Variants in TMEM45A observed in about 807,000 individuals in gnomAD.
TMEM45A encodes the protein DNA polymerase-transactivated protein 4.
A neutral mutation model predicts 32.0 loss-of-function variants in TMEM45A; 25 were observed. That is an observed-to-expected ratio of 0.78 (90% confidence interval 0.57 to 1.09). The LOEUF is 1.09. TMEM45A is among the 50% of genes least tolerant of loss of function. The pLI, the probability that TMEM45A is intolerant of heterozygous loss-of-function variation, is 0.00. For synonymous variants in TMEM45A, 122 were observed against 114.8 expected (o/e 1.06, Z -0.40); for missense variants, 302 against 325.0 (o/e 0.93, Z 0.54).
rs112943078 is a variant in TMEM45A, at chr3:100,517,273, C to T, written c.-4+24345C>T. 9.2e-5 allele frequency among the ~76,000 whole-genome samples: 14 copies of T among 152,232 alleles called. 1 individual carries two copies. Among genetic ancestry groups the T allele is most frequent in the African/African-American group, 2.2e-4 (9 of 41,540 alleles). ...CTGGGATTACAGGCATGTGCCACCA[C>T]GCCCGATTAATTTTTTGTATTTTTA... On this transcript the variant is annotated intron_variant, in intron 1 of 5. Transcript: ENST00000323523.
chr3:100,523,501 A>C (rs1042674094), intron 1 of TMEM45A, among the ~76,000 whole-genome samples: 1 of 152,232 alleles, frequency 6.6e-6, no homozygotes, highest in Non-Finnish European at 1.5e-5. Flanking sequence ...CCAAGAAGTA[A>C]ACAATTATGA....
chr3:100,503,031 C>T (rs1052988058), intron 1 of TMEM45A, among the ~76,000 whole-genome samples: 45 of 151,382 alleles, frequency 3.0e-4, no homozygotes, highest in Non-Finnish European at 7.4e-5. Context: ...ATCTCCTCCT[C>T]CTCCTTCTTC....
chr3:100,552,871 T>C (rs1706137292), intron 1 of TMEM45A, among the ~76,000 whole-genome samples: 1 of 152,228 alleles, frequency 6.6e-6, no homozygotes, highest in African/African-American at 2.4e-5. Flanking sequence ...GTTTATTCTC[T>C]AATTGCAGTC....
chr3:100,540,284 G>A (rs56736439), intron 1 of TMEM45A, among the ~76,000 whole-genome samples: 70,619 of 151,874 alleles, frequency 0.46, 16,948 homozygotes, highest in African/African-American at 0.57. Context: ...TGGGGAAAAT[G>A]TTTGCAAAAC....
At chr3:100,570,298 G>C (rs2148995952) in intron 5 of TMEM45A, among the ~76,000 whole-genome samples, 1 of 152,300 alleles carries the variant, frequency 6.6e-6, no homozygotes, top group Middle Eastern at 3.4e-3. Context: ...CTTCTCTTTA[G>C]ACATGGACCC....
chr3:100,523,511 A>G (rs1268697986), intron 1 of TMEM45A, among the ~76,000 whole-genome samples: 2 of 152,202 alleles, frequency 1.3e-5, no homozygotes, highest in African/African-American at 4.8e-5. Flanking sequence ...AACAATTATG[A>G]TATGCATGAG....
intron 4 of TMEM45A, 29 bp downstream of exon 4, chr3:100,558,618 T>A: frequency 6.2e-7 from 1 of 1,603,150 alleles, no homozygotes; most frequent in Non-Finnish European, 8.5e-7. Flanking sequence ...TTAATGTACC[T>A]GGACTCTTTG....
chr3:100,544,213 C>G (rs1705941461), intron 1 of TMEM45A, among the ~76,000 whole-genome samples: 1 of 152,104 alleles, frequency 6.6e-6, no homozygotes, highest in South Asian at 2.1e-4. Flanking sequence ...GAATAAGCCT[C>G]TTTTAGGTGC....
At chr3:100,506,038 T>C (rs1302244461) in intron 1 of TMEM45A, among the ~76,000 whole-genome samples, 1 of 152,162 alleles carries the variant, frequency 6.6e-6, no homozygotes, top group African/African-American at 2.4e-5. Context: ...TTCAGCATCG[T>C]ACTGACCAGC....
chr3:100,567,518 C>CAAA (rs780009246), intron 4 of TMEM45A, among the ~76,000 whole-genome samples: 906 of 63,404 alleles, frequency 0.014, 100 homozygotes, highest in African/African-American at 0.048. Context: ...ACCATTTCTG[C>CAAA]AAAAAAAAAA....
chr3:100,514,545 C>G (rs923980138), intron 1 of TMEM45A, among the ~76,000 whole-genome samples: 1 of 151,886 alleles, frequency 6.6e-6, no homozygotes, highest in African/African-American at 2.4e-5. Context: ...CTAGGCATTA[C>G]CATTCAGGAC....
At chr3:100,525,061 G>A (rs937475121) in intron 1 of TMEM45A, among the ~76,000 whole-genome samples, 12 of 152,156 alleles carry the variant, frequency 7.9e-5, no homozygotes, top group Admixed American at 6.5e-4. Context: ...GGCAATGTGT[G>A]CCTGTAGTCC....
chr3:100,517,845 T>C (rs528216909), intron 1 of TMEM45A, among the ~76,000 whole-genome samples: 1 of 152,354 alleles, frequency 6.6e-6, no homozygotes, highest in South Asian at 2.1e-4. Context: ...ATGCTTGTGA[T>C]TGGAAAAAGC....
At chr3:100,514,516 A>T (rs1175234181) in intron 1 of TMEM45A, among the ~76,000 whole-genome samples, 4 of 151,992 alleles carry the variant, frequency 2.6e-5, no homozygotes, top group Non-Finnish European at 5.9e-5. Flanking sequence ...CTAAAACCAT[A>T]AAAACCCTAG....
chr3:100,547,664 C>A (rs952549596), intron 1 of TMEM45A, among the ~76,000 whole-genome samples: 1 of 151,892 alleles, frequency 6.6e-6, no homozygotes, highest in Non-Finnish European at 1.5e-5. Context: ...TATAAGTGAA[C>A]CAACCCAGTT....
chr3:100,508,535 G>C (rs1258038600), intron 1 of TMEM45A, among the ~76,000 whole-genome samples: 1 of 152,108 alleles, frequency 6.6e-6, no homozygotes, highest in East Asian at 1.9e-4. Context: ...AAAGCTGGAG[G>C]CATCTACTAC....
chr3:100,516,695 C>T (rs1251829396), intron 1 of TMEM45A, among the ~76,000 whole-genome samples: 2 of 152,124 alleles, frequency 1.3e-5, no homozygotes, highest in Non-Finnish European at 2.9e-5. Context: ...GGATATTTTT[C>T]CTCCTTGTTT....
chr3:100,501,067 A>G (rs1708002042), intron 1 of TMEM45A, among the ~76,000 whole-genome samples: 1 of 152,258 alleles, frequency 6.6e-6, no homozygotes, highest in Admixed American at 6.5e-5. Context: ...AGATGAGAAA[A>G]TTGATTTTTA....
In TMEM45A at chr3:100,558,511, G is replaced by A. The variant is rs772771549; in HGVS notation, c.510G>A (p.Glu170=). The stretch of plus-strand genomic sequence containing the variant: ...TGACAGGCCTCGTTGCCTTCCTAGA[G>A]TTCCTTGTTCGGAACAATGTACTTC... The part of the protein sequence containing the change: ...VFLTGLVAFL[E]FLVRNNVLLE... Residue 170 remains glutamate, a synonymous_variant, in exon 4 of 6, where the codon GAG becomes GAA. Transcript: ENST00000323523. 6.2e-7 allele frequency: 1 copy of A among 1,614,020 alleles called. No homozygotes were observed. Among genetic ancestry groups the A allele is most frequent in the Admixed American group, 1.7e-5 (1 of 59,998 alleles).
Sources: gnomAD v4.1 joint callset for allele counts (sites outside exome capture counted in the v4.1 genomes callset) on GRCh38, gnomAD v4.1.1 for gene constraint, MANE v1.5 for transcripts, NCBI Gene and HGNC (gene_info 2026-07-23, HGNC 2026-07-21) for gene names.